The following GMNC variants were observed in gnomAD, a reference collection of about 807,000 sequenced individuals.
GMNC encodes the protein geminin coiled-coil domain-containing protein 1.
Under a neutral mutation model 33.6 loss-of-function variants are expected in GMNC, and 16 were observed. That is an observed-to-expected ratio of 0.48 (90% CI 0.32 to 0.72). GMNC has a LOEUF of 0.72. Ranked by LOEUF, GMNC falls within the 30% of genes least tolerant of loss-of-function variation. The pLI is 0.03. For synonymous variants in GMNC, 156 were observed against 147.3 expected (o/e 1.06, Z -0.43); for missense variants, 393 against 388.9 (o/e 1.01, Z -0.09).
chr3:190,858,695 C>T (rs114921072), intron 3 of GMNC, among the ~76,000 whole-genome samples: 2,338 of 152,280 alleles, frequency 0.015, 70 homozygotes, highest in African/African-American at 0.054. Flanking sequence ...CAAGGTCATA[C>T]GGCTAAAATG....
rs114484588 is a variant in GMNC, at chr3:190,862,163, T to C, written c.3+450A>G. Among the ~76,000 whole-genome samples the C allele has an allele frequency of 5.5e-3, 844 of 152,302 alleles. 9 individuals carry two copies. Among genetic ancestry groups the C allele is most frequent in the African/African-American group, 0.019 (803 of 41,566 alleles). Reference sequence around the variant, plus strand: ...CTCTTTCCCTGAGGTTTTTTATTTTTTATTTTATTTTTTGGAATCAGAGCT... The same window carrying C: ...CTCTTTCCCTGAGGTTTTTTATTTTCTATTTTATTTTTTGGAATCAGAGCT... On this transcript the variant is annotated intron_variant, in intron 1 of 4. Coordinates refer to ENST00000442080, the MANE Select transcript of GMNC (RefSeq NM_001146686.3). The surrounding 1 kb of genome is among the most constrained non-coding windows in gnomAD (Gnocchi z 4.5).
At chr3:190,858,153 C>A (rs1042826456) in intron 3 of GMNC, 2 of 393,574 alleles carry the variant, frequency 5.1e-6, no homozygotes, top group African/African-American at 4.0e-5. Context: ...AAAATTGTAA[C>A]CACAAGCGAA....
In GMNC at chr3:190,860,671, G is replaced by A. The variant is rs1189896884; in HGVS notation, c.178+13C>T. 1 of 1,543,690 alleles carries A rather than the reference G, an allele frequency of 6.5e-7. No individual in the cohort carries two copies. Reference sequence around the variant, plus strand: ...CTCCAGATCTATCAGGGAAGCAGAAGAGCAGAACTTACCCTGTGCCTGTGG... The same window carrying A: ...CTCCAGATCTATCAGGGAAGCAGAAAAGCAGAACTTACCCTGTGCCTGTGG... On this transcript the variant is annotated intron_variant, in intron 2 of 4. Transcript: ENST00000442080.
chr3:190,855,199 G>T lies in GMNC; in HGVS notation c.*96C>A. ...TTTAAAGTGGCAGGAGACAGTCTAA[G>T]CAACAGCTTCTGTGTTCCACATAGT... On this transcript the variant is annotated 3_prime_UTR_variant, in exon 5 of 5. Coordinates refer to ENST00000442080, the MANE Select transcript of GMNC (RefSeq NM_001146686.3). The T allele has an allele frequency of 7.9e-7, 1 of 1,259,754 alleles. No individual in the cohort carries two copies. The highest frequency in any genetic ancestry group is 1.1e-6 in the Non-Finnish European group (1 of 916,712). 78.0% of individuals were successfully genotyped at this position (1,259,754 alleles called of 1,614,324 possible).
At position 190,854,045 on chromosome 3, in the gene GMNC, A is replaced by C. The variant is rs1234982560; in HGVS notation, c.*1250T>G. ...TAACTTCAAATGACTTATGTTTTTG[A>C]ATTTTATTAATTGTACATAAAGTTT... On this transcript the variant is annotated 3_prime_UTR_variant, in exon 5 of 5. Transcript: ENST00000442080. 2.0e-5 allele frequency: 3 copies of C among 152,162 alleles called. No individual in the cohort carries two copies. Among genetic ancestry groups the C allele is most frequent in the Non-Finnish European group, 2.9e-5 (2 of 68,022 alleles). 9.4% of individuals were successfully genotyped at this position (152,162 alleles called of 1,614,324 possible). A position where few individuals can be genotyped will look rare whatever the true frequency, so the allele number is the denominator to read the frequency against.
rs925382472 is a variant in GMNC, at chr3:190,854,495, C to G, written c.*800G>C. ...TTCAGCAATAGGAGTTTGTCAGCAT[C>G]TGGGTAGTTGCAGATGATGACTAGT... On this transcript the variant is annotated 3_prime_UTR_variant, in exon 5 of 5. Coordinates refer to ENST00000442080, the MANE Select transcript of GMNC (RefSeq NM_001146686.3). 6.6e-6 allele frequency: 1 copy of G among 152,114 alleles called. No homozygotes were observed. The highest frequency in any genetic ancestry group is 1.5e-5 in the Non-Finnish European group (1 of 68,014). The allele number at this position is 152,114 out of a possible 1,614,324, so 9.4% of individuals were successfully genotyped here.
At position 190,855,430 on chromosome 3, in the gene GMNC, CTTG is replaced by C; in HGVS notation, c.867_869del (p.Asn289del). ...GGGATGTGGAAAATGCCATCTCTGT[CTTG>C]TTGGGTGACACATGAGCAGTATAGT... is the stretch of plus-strand genomic sequence containing the variant. On this transcript the variant is annotated inframe_deletion, in exon 5 of 5. Transcript: ENST00000442080. 1 of 1,551,846 alleles carries C rather than the reference CTTG, an allele frequency of 6.4e-7. No individual in the cohort carries two copies. Among genetic ancestry groups the C allele is most frequent in the Non-Finnish European group, 8.7e-7 (1 of 1,146,986 alleles).
intron 4 of GMNC, among the ~76,000 whole-genome samples, 157 bp from the exon 5 acceptor site, chr3:190,856,072 A>G (rs1391582047): frequency 6.6e-6 from 1 of 151,806 alleles, no homozygotes; most frequent in African/African-American, 2.4e-5. Context: ...TTACTGCCTA[A>G]AAACTCTAAA....
the GMNC span, among the ~76,000 whole-genome samples, chr3:190,843,855 C>A: frequency 6.6e-6 from 1 of 152,116 alleles, no homozygotes; most frequent in African/African-American, 2.4e-5. Context: ...ACATTATCAT[C>A]CTTAATTTTT....
intron 2 of GMNC, 147 bp from the exon 3 acceptor site, chr3:190,859,163 A>G: frequency 1.7e-6 from 1 of 589,398 alleles, no homozygotes; most frequent in East Asian, 2.9e-5. Context: ...CAAGACATTT[A>G]AAGTTTTTTA....
In GMNC at chr3:190,857,976, A is replaced by T. The variant is rs73059981; in HGVS notation, c.268-77T>A. 416 of 765,038 alleles carry T rather than the reference A, an allele frequency of 5.4e-4. 4 individuals carry two copies. In the African/African-American group the frequency reaches 6.6e-3, roughly 12 times the overall value. 47.4% of individuals were successfully genotyped at this position (765,038 alleles called of 1,614,324 possible). A position where few individuals can be genotyped will look rare whatever the true frequency, so the allele number is the denominator to read the frequency against. On this transcript the variant is annotated intron_variant, in intron 3 of 4. Transcript: ENST00000442080. ...CCTTATAATAATGCCACTGCTCCTT[A>T]ACTGCCTTAAACTTGATGATTGTTT...
intron 2 of GMNC, chr3:190,859,877 T>C (rs1226532279): frequency 2.3e-6 from 1 of 441,700 alleles, no homozygotes; most frequent in Non-Finnish European, 4.5e-6. Context: ...TAAAATGGCA[T>C]AAGTAGTTTG....
downstream of GMNC, among the ~76,000 whole-genome samples, chr3:190,850,386 G>T (rs376712728): frequency 2.4e-4 from 37 of 152,310 alleles, no homozygotes; most frequent in Admixed American, 7.8e-4. Flanking sequence ...GCCTAAAACA[G>T]CCCGGAGGCT....
chr3:190,859,068 A>T, intron 2 of GMNC, 52 bp from the exon 3 acceptor site: 1 of 1,115,110 alleles, frequency 9.0e-7, no homozygotes, highest in Non-Finnish European at 1.3e-6. Context: ...GTTTCTGTGT[A>T]ATAAAGAAAC....
Position 190,861,159 on chromosome 3 carries a change from C to G in GMNC, c.4-301G>C, listed in dbSNP as rs1737857316. On this transcript the variant is annotated intron_variant, in intron 1 of 4. Transcript: ENST00000442080. This position sits in a 1 kb window ranked among gnomAD's most constrained non-coding sequence, Gnocchi z 5.1. ...CCAGGAGGATTGTCTGTTGCAACGA[C>G]CAGCCCATCTAATAGTCTACCCAGA... 6.6e-6 allele frequency among the ~76,000 whole-genome samples: 1 copy of G among 152,176 alleles called. No homozygotes were observed. The highest frequency in any genetic ancestry group is 6.5e-5 in the Admixed American group (1 of 15,282).
chr3:190,858,669 G>C (rs1485328659), intron 3 of GMNC, among the ~76,000 whole-genome samples: 1 of 152,194 alleles, frequency 6.6e-6, no homozygotes, highest in Non-Finnish European at 1.5e-5. Context: ...CATAAATGAG[G>C]ACAAGGAAAA....
At position 190,855,567 on chromosome 3, in the gene GMNC, A is replaced by T; in HGVS notation, c.733T>A (p.Tyr245Asn). ...NIPREDMPID[Y>N]RGDRTTPLHS... The stretch of plus-strand genomic sequence containing the variant: ...AAGGGGGTTGTTCTGTCACCTCTAT[A>T]GTCAATTGGCATATCCTCTCTGGGG... Residue 245 changes from tyrosine (Y) to asparagine (N), a missense_variant, in exon 5 of 5, where the codon TAT becomes AAT. Transcript: ENST00000442080. 1 of 1,551,566 alleles carries T rather than the reference A, an allele frequency of 6.4e-7. No homozygotes were observed. Among genetic ancestry groups the T allele is most frequent in the Non-Finnish European group, 8.7e-7 (1 of 1,146,888 alleles).
rs1011418167 is a variant in GMNC at position 190,861,137 on chromosome 3, G to A, written c.4-279C>T. Among the ~76,000 whole-genome samples the A allele has an allele frequency of 7.2e-5, 11 of 152,106 alleles. No homozygotes were observed. The highest frequency in any genetic ancestry group is 1.3e-4 in the Non-Finnish European group (9 of 68,020). ...AATGGGTGAAATTTGTACATATCCA[G>A]GAGGATTGTCTGTTGCAACGACCAG... On this transcript the variant is annotated intron_variant, in intron 1 of 4. Coordinates refer to ENST00000442080, the MANE Select transcript of GMNC (RefSeq NM_001146686.3). This position sits in a 1 kb window ranked among gnomAD's most constrained non-coding sequence, Gnocchi z 5.1.
chr3:190,860,887 G>A (rs1369578646), intron 1 of GMNC, 29 bp from the exon 2 acceptor site: 19 of 1,496,332 alleles, frequency 1.3e-5, no homozygotes, highest in Middle Eastern at 3.5e-4. Flanking sequence ...GGGGAGTGAG[G>A]GGTCCCAAAA....
Sources: gnomAD v4.1 joint callset for allele counts (sites outside exome capture counted in the v4.1 genomes callset) on GRCh38, gnomAD v4.1.1 for gene constraint, Gnocchi (gnomAD v3.1) non-coding constraint, MANE v1.5 for transcripts, NCBI Gene and HGNC (gene_info 2026-07-23, HGNC 2026-07-21) for gene names.